The following MARF1 variants were observed in gnomAD, a reference collection of about 807,000 sequenced individuals.
The protein encoded by MARF1 is limkain-b1.
Under a neutral mutation model 168.2 loss-of-function variants are expected in MARF1, and 24 were observed. That is an observed-to-expected ratio of 0.14 (90% CI 0.10 to 0.20). The LOEUF is 0.20. Among genes scored for constraint, MARF1 ranks in the 10% least tolerant of loss-of-function variants. The pLI is 1.00. For synonymous variants in MARF1, 868 were observed against 822.4 expected (o/e 1.06, Z -0.95); for missense variants, 1,744 against 2,143.6 (o/e 0.81, Z 3.68).
In MARF1 at chr16:15,594,826, G is replaced by C. The variant is rs1405033239; in HGVS notation, c.*1867C>G. ...GACCTAAGCAGCAACTCCAGTGAAT[G>C]GTACTCAGACACACTCACGGGACAG... On this transcript the variant is annotated 3_prime_UTR_variant, in exon 27 of 27. Transcript: ENST00000396368. The C allele has an allele frequency of 3.3e-5, 5 of 152,568 alleles. No individual in the cohort carries two copies. The highest frequency in any genetic ancestry group is 2.6e-4 in the Admixed American group (4 of 15,258). 9.5% of individuals were successfully genotyped at this position (152,568 alleles called of 1,614,324 possible).
rs2034378930 is a variant in MARF1, at chr16:15,620,499, G to T, written c.2672C>A (p.Pro891His). Reference protein sequence around the residue: ...AETMSVLQDAPACCLPLFKFT... With the variant: ...AETMSVLQDAHACCLPLFKFT... ...TTTAAACAGAGGCAGGCAACAGGCA[G>T]GGGCATCCTGAAGAACAGACATTGT... Residue 891 changes from proline to histidine, a missense_variant, in exon 13 of 27, where the codon CCT (proline) becomes CAT (histidine). By Grantham distance (77) the Pro-to-His change is moderately conservative. Coordinates refer to ENST00000396368, the MANE Select transcript of MARF1 (RefSeq NM_014647.4). 1 of 1,613,010 alleles carries T rather than the reference G, an allele frequency of 6.2e-7. No homozygotes were observed. Among genetic ancestry groups the T allele is most frequent in the Non-Finnish European group, 8.5e-7 (1 of 1,179,450 alleles).
intron 1 of MARF1, among the ~76,000 whole-genome samples, chr16:15,640,589 A>G (rs2035885763): frequency 6.6e-6 from 1 of 152,172 alleles, no homozygotes; most frequent in African/African-American, 2.4e-5. Context: ...CCATCTACTC[A>G]GGAGGCTATG....
rs760877459 is a variant in MARF1 at position 15,608,468 on chromosome 16, C to T, written c.4005G>A (p.Arg1335=). 3 of 1,614,014 alleles carry T rather than the reference C, an allele frequency of 1.9e-6. No homozygotes were observed. The highest frequency in any genetic ancestry group is 2.7e-5 in the African/African-American group (2 of 74,908). Residue 1335 remains arginine (R), a synonymous_variant, in exon 21 of 27, where the codon CGG becomes CGA. Coordinates refer to ENST00000396368, the MANE Select transcript of MARF1 (RefSeq NM_014647.4). ...EKILTLTEVE[R]FKALAAQFVK... ...CAAACTGGGCAGCTAGAGCTTTGAA[C>T]CGCTCCACCTCTGTCAGAGTAAGGA...
intron 5 of MARF1, among the ~76,000 whole-genome samples, chr16:15,633,402 C>T (rs944273022): frequency 1.3e-5 from 2 of 151,876 alleles, no homozygotes; most frequent in Non-Finnish European, 1.5e-5. Context: ...AAAAATGAGC[C>T]GAGCATGATG....
chr16:15,627,956 C>T (rs570267731), intron 7 of MARF1, among the ~76,000 whole-genome samples: 15 of 152,262 alleles, frequency 9.9e-5, no homozygotes, highest in Non-Finnish European at 1.9e-4. Flanking sequence ...TAACCCAGAA[C>T]TCTTATGCCT....
Position 15,639,077 on chromosome 16 carries a change from T to C in MARF1, c.144+13A>G. ...GAGGAATCTGCTACATCCTTAGTCTTGCATATAGTTACCGTTTGGGGACTA... is the reference window on the plus strand; with the variant it reads ...GAGGAATCTGCTACATCCTTAGTCTCGCATATAGTTACCGTTTGGGGACTA... On this transcript the variant is annotated intron_variant, in intron 2 of 26. Coordinates refer to ENST00000396368, the MANE Select transcript of MARF1 (RefSeq NM_014647.4). 2 of 1,612,102 alleles carry C rather than the reference T, an allele frequency of 1.2e-6. No homozygotes were observed. The highest frequency in any genetic ancestry group is 1.7e-6 in the Non-Finnish European group (2 of 1,179,036).
chr16:15,612,623 G>A lies in MARF1; in HGVS notation c.3408C>T (p.Cys1136=). The A allele has an allele frequency of 1.2e-6, 2 of 1,614,120 alleles. No individual in the cohort carries two copies. The highest frequency in any genetic ancestry group is 1.7e-5 in the Admixed American group (1 of 60,014). ...TGGAGTATCCGTAGTCTGACACTCG[G>A]CACTGCTTTGCAAAATGATGGTGAT... ...PSYHHHFAKQ[C]RVSDYGYSKL... The change falls in exon 17 of 27, where the codon TGC becomes TGT. Residue 1136 remains cysteine (C), a synonymous_variant. Transcript: ENST00000396368.
Position 15,596,563 on chromosome 16 carries a change from C to A in MARF1, c.*130G>T. On this transcript the variant is annotated 3_prime_UTR_variant, in exon 27 of 27. Coordinates refer to ENST00000396368, the MANE Select transcript of MARF1 (RefSeq NM_014647.4). ...AATGGAAAAGAAAAACATGATAGAACACAGGTAAGATGAAGTCAATGGCTT... is the reference window on the plus strand; with the variant it reads ...AATGGAAAAGAAAAACATGATAGAAAACAGGTAAGATGAAGTCAATGGCTT... 1.2e-6 allele frequency: 1 copy of A among 830,272 alleles called. No homozygotes were observed. The highest frequency in any genetic ancestry group is 3.2e-5 in the South Asian group (1 of 31,176). 51.4% of individuals were successfully genotyped at this position (830,272 alleles called of 1,614,324 possible). A position where few individuals can be genotyped will look rare whatever the true frequency, so the allele number is the denominator to read the frequency against.
rs772423068 is a variant in MARF1 at position 15,617,476 on chromosome 16, C to T, written c.2780G>A (p.Arg927His). The stretch of plus-strand genomic sequence containing the variant: ...CACCAGCCGTCCGTTTCCTTGTTCA[C>T]GGATTGCGACCGTGTCTGTTAATTT... ...LYKLTDTVAIREQGNGRLVCL... is the reference protein window; with the variant it reads ...LYKLTDTVAIHEQGNGRLVCL... Residue 927 changes from arginine to histidine, a missense_variant, in exon 14 of 27, where the codon CGT becomes CAT. Around this residue, in one of 7 missense-constraint regions of MARF1, gnomAD observed 543 missense variants for 742.1 expected, o/e 0.73. Coordinates refer to ENST00000396368, the MANE Select transcript of MARF1 (RefSeq NM_014647.4). The T allele has an allele frequency of 1.9e-6, 3 of 1,613,878 alleles. No individual in the cohort carries two copies. The highest frequency in any genetic ancestry group is 1.7e-6 in the Non-Finnish European group (2 of 1,180,028).
intron 20 of MARF1, 75 bp downstream of exon 20, chr16:15,609,448 G>A: frequency 8.0e-7 from 1 of 1,253,776 alleles, no homozygotes; most frequent in East Asian, 2.5e-5. Flanking sequence ...AGAAAAACAG[G>A]TCTGGAACGT....
rs142983571 is a variant in MARF1 at position 15,598,979 on chromosome 16, G to C, written c.4859C>G (p.Ser1620Cys). ...EQELLRLTDD[S>C]PVDLLCAPVP... is the part of the protein sequence containing the mutation. The stretch of plus-strand genomic sequence containing the variant: ...AGGCGCACACAGGAGGTCGACGGGG[G>C]AGTCGTCGGTCAGGCGGAGAAGCTC... Residue 1620 changes from serine (S) to cysteine (C), a missense_variant, in exon 26 of 27, where the codon TCC (serine) becomes TGC (cysteine). Around this residue, in one of 7 missense-constraint regions of MARF1, gnomAD observed 313 missense variants for 337.4 expected, o/e 0.93. Coordinates refer to ENST00000396368, the MANE Select transcript of MARF1 (RefSeq NM_014647.4). 1.2e-6 allele frequency: 2 copies of C among 1,612,082 alleles called. No homozygotes were observed. The highest frequency in any genetic ancestry group is 1.1e-5 in the South Asian group (1 of 90,942).
intron 16 of MARF1, among the ~76,000 whole-genome samples, chr16:15,615,302 C>G (rs1447138121): frequency 6.6e-6 from 1 of 151,890 alleles, no homozygotes; most frequent in East Asian, 1.9e-4. Context: ...TCAAGAGCAG[C>G]CTGGACAACA....
rs1199309938 is a variant in MARF1, at chr16:15,636,148, T to G, written c.339A>C (p.Pro113=). 1.2e-6 allele frequency: 2 copies of G among 1,614,220 alleles called. No homozygotes were observed. Among genetic ancestry groups the G allele is most frequent in the Non-Finnish European group, 8.5e-7 (1 of 1,180,024 alleles). Residue 113 remains proline (P), a synonymous_variant, in exon 3 of 27, where the codon CCA becomes CCC. Coordinates refer to ENST00000396368, the MANE Select transcript of MARF1 (RefSeq NM_014647.4). ...CGCCACCACCACCACCAAAACGCATTGGCGAAGTGGAGGGTTCATTAGGGC... is the reference window on the plus strand; with the variant it reads ...CGCCACCACCACCACCAAAACGCATGGGCGAAGTGGAGGGTTCATTAGGGC... ...AHCPNEPSTS[P]MRFGGGGGGS... is the part of the protein sequence containing the mutation.
chr16:15,614,559 G>A (rs1283156150), intron 16 of MARF1, among the ~76,000 whole-genome samples: 2 of 150,530 alleles, frequency 1.3e-5, no homozygotes, highest in African/African-American at 4.9e-5. Flanking sequence ...GCTGAGGCGG[G>A]CGGATCATGA....
chr16:15,635,156 C>T, intron 3 of MARF1: 1 of 489,942 alleles, frequency 2.0e-6, no homozygotes, highest in Non-Finnish European at 3.6e-6. Flanking sequence ...TTCACGTGGT[C>T]AGATCTTTAC....
chr16:15,621,633 C>A, intron 12 of MARF1, 100 bp downstream of exon 12: 1 of 1,151,810 alleles, frequency 8.7e-7, no homozygotes, highest in Admixed American at 2.3e-5. Context: ...GCAATCATCA[C>A]AAGGGGGTGG....
chr16:15,630,798 A>G (rs1472611102), intron 6 of MARF1, among the ~76,000 whole-genome samples: 1 of 151,776 alleles, frequency 6.6e-6, no homozygotes, highest in African/African-American at 2.4e-5. Context: ...TACTGAGCAC[A>G]AGGTAAAAAA....
chr16:15,594,395 C>T lies in MARF1; in HGVS notation c.*2298G>A, dbSNP rs2031489165. The T allele has an allele frequency of 6.5e-6, 1 of 152,680 alleles. No individual in the cohort carries two copies. The highest frequency in any genetic ancestry group is 1.9e-4 in the East Asian group (1 of 5,168). The allele number at this position is 152,680 out of a possible 1,614,324, so 9.5% of individuals were successfully genotyped here. ...ACTTGGGAAACTCAAAATAGATGCTCGCTTGTAAAGTTTATTGACAACTGT... is the reference window on the plus strand; with the variant it reads ...ACTTGGGAAACTCAAAATAGATGCTTGCTTGTAAAGTTTATTGACAACTGT... On this transcript the variant is annotated 3_prime_UTR_variant, in exon 27 of 27. Transcript: ENST00000396368.
In MARF1 at chr16:15,625,486, C is replaced by G. The variant is rs1253737075; in HGVS notation, c.1839G>C (p.Leu613Phe). 5 of 1,614,080 alleles carry G rather than the reference C, an allele frequency of 3.1e-6. No homozygotes were observed. Among genetic ancestry groups the G allele is most frequent in the Non-Finnish European group, 4.2e-6 (5 of 1,180,034 alleles). The change falls in exon 8 of 27, where the codon TTG becomes TTC. Residue 613 changes from leucine (L) to phenylalanine (F), a missense_variant. By Grantham distance (22) the Leu-to-Phe change is conservative. Coordinates refer to ENST00000396368, the MANE Select transcript of MARF1 (RefSeq NM_014647.4). ...GTTCACTTGCATCTTTGATGAGGCA[C>G]AATTTTGGATTCTTAAGTTTTTTGG... ...KSPKKLKNPK[L>F]CLIKDASEQS... is the part of the protein sequence containing the mutation.
Sources: gnomAD v4.1 joint callset for allele counts (sites outside exome capture counted in the v4.1 genomes callset) on GRCh38, gnomAD v4.1.1 for gene constraint, gnomAD v4.1.1 regional missense constraint, MANE v1.5 for transcripts, NCBI Gene and HGNC (gene_info 2026-07-23, HGNC 2026-07-21) for gene names.